Variants in SRGAP1 observed in about 807,000 individuals in gnomAD.
SRGAP1 encodes SLIT-ROBO Rho GTPase-activating protein 1.
A neutral mutation model predicts 121.9 loss-of-function variants in SRGAP1; 43 were observed. The ratio of observed to expected loss-of-function variants is 0.35; its 90% CI spans 0.28 to 0.46. The LOEUF (loss-of-function observed/expected upper bound fraction) is 0.46. SRGAP1 is among the 20% of genes least tolerant of loss of function. The pLI is 1.00. For missense variants in SRGAP1, 1,102 were observed against 1,350.9 expected, an observed-to-expected ratio of 0.82 and a Z score of 2.89; for synonymous variants, 447 against 485.4, an observed-to-expected ratio of 0.92 and a Z score of 1.04.
At chr12:64,136,415 A>C (rs1457607773) in intron 21 of SRGAP1, among the ~76,000 whole-genome samples, 3 of 152,224 alleles carry the variant, frequency 2.0e-5, no homozygotes, top group Non-Finnish European at 4.4e-5. Context: ...TAATAGATTC[A>C]GGGATTACCA....
chr12:64,034,665 T>TC (rs986499056), intron 4 of SRGAP1, among the ~76,000 whole-genome samples: 1 of 152,064 alleles, frequency 6.6e-6, no homozygotes, highest in Non-Finnish European at 1.5e-5. Context: ...ACACATTTTA[T>TC]CCCCCCCACC....
intron 1 of SRGAP1, among the ~76,000 whole-genome samples, chr12:63,917,443 A>G (rs938913715): frequency 9.9e-5 from 15 of 152,098 alleles, no homozygotes; most frequent in African/African-American, 3.6e-4. Flanking sequence ...TTCACTGAAA[A>G]GTTCATTTTT....
At chr12:64,077,778 A>G (rs994721065) in intron 8 of SRGAP1, among the ~76,000 whole-genome samples, 1 of 152,142 alleles carries the variant, frequency 6.6e-6, no homozygotes, top group Non-Finnish European at 1.5e-5. Context: ...TAAATGCATT[A>G]TATTAAAATT....
At chr12:63,879,116 C>G (rs1900114677) in intron 1 of SRGAP1, 1 of 152,130 alleles carries the variant, frequency 6.6e-6, no homozygotes, top group Admixed American at 6.5e-5. Context: ...GTGATCCTCC[C>G]ACCTCAGCCT....
chr12:64,118,945 G>T (rs1472735467), intron 18 of SRGAP1, among the ~76,000 whole-genome samples: 2 of 151,976 alleles, frequency 1.3e-5, no homozygotes, highest in Non-Finnish European at 2.9e-5. Context: ...GACCTCAAGT[G>T]ATCCGCCCAC....
intron 1 of SRGAP1, among the ~76,000 whole-genome samples, chr12:63,981,578 G>A (rs927506142): frequency 6.6e-6 from 1 of 152,200 alleles, no homozygotes. Context: ...TGGCAAACAT[G>A]CTGATTATAA....
chr12:64,074,156 G>A (rs1267844260), intron 8 of SRGAP1, among the ~76,000 whole-genome samples: 1 of 152,158 alleles, frequency 6.6e-6, no homozygotes, highest in Admixed American at 6.5e-5. Flanking sequence ...TTGCTTAAAT[G>A]TTTTTCAAAT....
Position 64,062,911 on chromosome 12 carries a change from T to G in SRGAP1, c.802-6T>G. ...TTTTGTATGTGGTGTTCTTTTACTT[T>G]TTAAGTGCTGTGATCTTGGCTACCA... On this transcript the variant is annotated splice_region_variant and splice_polypyrimidine_tract_variant and intron_variant, in intron 6 of 21. Coordinates refer to ENST00000355086, the MANE Select transcript of SRGAP1 (RefSeq NM_020762.4). 6.2e-7 allele frequency: 1 copy of G among 1,601,996 alleles called. No individual in the cohort carries two copies. Among genetic ancestry groups the G allele is most frequent in the Non-Finnish European group, 8.5e-7 (1 of 1,173,218 alleles).
chr12:63,907,193 C>A (rs2030255297), intron 1 of SRGAP1, among the ~76,000 whole-genome samples: 1 of 152,072 alleles, frequency 6.6e-6, no homozygotes. Context: ...GTACTTATGG[C>A]CATTTGTGTA....
At chr12:64,010,667 CTG>C (rs1396428210) in intron 3 of SRGAP1, among the ~76,000 whole-genome samples, 2 of 152,074 alleles carry the variant, frequency 1.3e-5, no homozygotes, top group Admixed American at 6.6e-5. Flanking sequence ...CTCAAAGAAA[CTG>C]TGTTTATGAG....
At chr12:64,107,589 A>G (rs2136610170) in intron 15 of SRGAP1, among the ~76,000 whole-genome samples, 1 of 152,264 alleles carries the variant, frequency 6.6e-6, no homozygotes, top group South Asian at 2.1e-4. Flanking sequence ...TGAGGTTGCC[A>G]TTGAGGAGAA....
At chr12:64,018,574 T>C (rs766914972) in intron 4 of SRGAP1, among the ~76,000 whole-genome samples, 17 of 152,220 alleles carry the variant, frequency 1.1e-4, no homozygotes, top group Admixed American at 9.2e-4. Flanking sequence ...TGATTCTTTA[T>C]AAAATGAACT....
At chr12:63,946,971 TA>T (rs572664862) in intron 1 of SRGAP1, among the ~76,000 whole-genome samples, 237 of 152,316 alleles carry the variant, frequency 1.6e-3, no homozygotes, top group African/African-American at 5.3e-3. Flanking sequence ...GCTGTATATA[TA>T]GTTTCTTTTT....
intron 1 of SRGAP1, among the ~76,000 whole-genome samples, chr12:63,923,112 A>G (rs2031128238): frequency 6.6e-6 from 1 of 152,212 alleles, no homozygotes; most frequent in Admixed American, 6.5e-5. Context: ...TGACCAATCC[A>G]TAAACTAAAA....
At chr12:64,064,700 C>G (rs2035506708) in intron 7 of SRGAP1, among the ~76,000 whole-genome samples, 1 of 152,202 alleles carries the variant, frequency 6.6e-6, no homozygotes, top group Admixed American at 6.5e-5. Context: ...CGTTCGAGTA[C>G]AACTGACGGA....
intron 4 of SRGAP1, among the ~76,000 whole-genome samples, chr12:64,022,173 G>A (rs528554384): frequency 1.5e-4 from 23 of 152,226 alleles, no homozygotes; most frequent in Non-Finnish European, 3.1e-4. Context: ...GTGTGTGTGT[G>A]CATGTGCAAA....
At chr12:63,923,176 C>T (rs2031130749) in intron 1 of SRGAP1, among the ~76,000 whole-genome samples, 1 of 152,160 alleles carries the variant, frequency 6.6e-6, no homozygotes, top group South Asian at 2.1e-4. Context: ...AATACCCTAC[C>T]AGCCTTTTCT....
At chr12:64,079,800 AGT>A (rs2035803487) in intron 9 of SRGAP1, among the ~76,000 whole-genome samples, 1 of 152,102 alleles carries the variant, frequency 6.6e-6, no homozygotes, top group African/African-American at 2.4e-5. Flanking sequence ...GGAACCTGAG[AGT>A]GTGCATCTCT....
chr12:64,041,561 A>G (rs957077044), intron 4 of SRGAP1, among the ~76,000 whole-genome samples: 1 of 151,478 alleles, frequency 6.6e-6, no homozygotes, highest in African/African-American at 2.4e-5. Context: ...ATTTTTTTAT[A>G]TTTGTAGAGA....
Sources: allele counts gnomAD v4.1 joint callset (sites outside exome capture counted in the v4.1 genomes callset), GRCh38; gene constraint gnomAD v4.1.1; transcripts MANE v1.5; gene names NCBI Gene and HGNC (gene_info 2026-07-23, HGNC 2026-07-21).